The following MGST2 variants were observed in gnomAD, a reference collection of about 807,000 sequenced individuals.
MGST2 encodes microsomal glutathione S-transferase 2, also known as glutathione peroxidase MGST2.
Under a neutral mutation model 16.6 loss-of-function variants are expected in MGST2, and 9 were observed. That is an observed-to-expected ratio of 0.54 (90% confidence interval 0.33 to 0.95). The LOEUF (loss-of-function observed/expected upper bound fraction) is 0.95, where lower values mean the gene tolerates loss of function less well. MGST2 is among the 40% of genes least tolerant of loss of function. The probability of loss-of-function intolerance (pLI) is 0.03; values close to 1 mark genes in which losing one functional copy is unlikely to be tolerated. For missense variants in MGST2, 159 were observed against 175.1 expected, an observed-to-expected ratio of 0.91 and a Z score of 0.52; for synonymous variants, 79 against 68.0, an observed-to-expected ratio of 1.16 and a Z score of -0.79.
chr4:139,742,160 TTTTTTTG>T, downstream of MGST2, among the ~76,000 whole-genome samples: 4 of 145,068 alleles, frequency 2.8e-5, no homozygotes, highest in Non-Finnish European at 6.1e-5. Flanking sequence ...TTTTTTTTTT[TTTTTTTG>T]AGAGAGAGTC....
intron 5 of MGST2, among the ~76,000 whole-genome samples, chr4:139,722,404 CAAG>C (rs1208978413): frequency 6.6e-6 from 1 of 151,960 alleles, no homozygotes; most frequent in Non-Finnish European, 1.5e-5. Context: ...CAGATGTGTC[CAAG>C]GAATTAACTT....
At position 139,710,765 on chromosome 4, in the gene MGST2, C is replaced by T. The variant is rs554697923; in HGVS notation, c.*48+6569C>T. Among the ~76,000 whole-genome samples, 38 of 152,214 alleles carry T rather than the reference C, an allele frequency of 2.5e-4. No homozygotes were observed. The South Asian group carries it at 5.4e-3, about 22-fold the overall frequency. ...TATTAAAACTTACCTTTGTTTTGTG[C>T]CTAAATTTGATGATGACTTTATTCT... On this transcript the variant is annotated intron_variant, in intron 5 of 5. Coordinates refer to the MGST2 transcript ENST00000616265.
chr4:139,732,490 C>T (rs1353955182), intron 5 of MGST2, among the ~76,000 whole-genome samples: 1 of 152,138 alleles, frequency 6.6e-6, no homozygotes, highest in Non-Finnish European at 1.5e-5. Context: ...GAAACAATCA[C>T]CCAAGAAGCT....
chr4:139,697,879 A>G (rs1727018253), intron 3 of MGST2, among the ~76,000 whole-genome samples: 2 of 152,072 alleles, frequency 1.3e-5, no homozygotes, highest in Admixed American at 6.6e-5. Flanking sequence ...ATAAAGTTGA[A>G]CCGCTGAAAC....
chr4:139,729,980 T>C (rs1002718315), intron 5 of MGST2, among the ~76,000 whole-genome samples: 1 of 152,232 alleles, frequency 6.6e-6, no homozygotes, highest in African/African-American at 2.4e-5. Flanking sequence ...TTCTATAGAA[T>C]TCTTCTCAAT....
chr4:139,719,660 C>T, intron 5 of MGST2: 1 of 1,613,080 alleles, frequency 6.2e-7, no homozygotes, highest in South Asian at 1.1e-5. Flanking sequence ...CATCTGCCGA[C>T]CCATGGCAGC....
chr4:139,670,815 G>A (rs1730646965), intron 1 of MGST2, among the ~76,000 whole-genome samples: 1 of 151,788 alleles, frequency 6.6e-6, no homozygotes, highest in Non-Finnish European at 1.5e-5. Context: ...TTGGGAGGCT[G>A]AGGTGTGAGA....
At chr4:139,709,095 TTTTTTG>T (rs1281894840), downstream of MGST2, among the ~76,000 whole-genome samples, 2 of 95,280 alleles carry the variant, frequency 2.1e-5, no homozygotes, top group African/African-American at 7.0e-5. Flanking sequence ...TTTTTTTTTT[TTTTTTG>T]AGATGGAGTC....
intron 5 of MGST2, chr4:139,719,112 G>T: frequency 1.8e-6 from 1 of 558,834 alleles, no homozygotes. Flanking sequence ...TCTGCATGGC[G>T]TCTCATCTCG....
chr4:139,705,832 G>A (rs1008008216), downstream of MGST2: 12 of 152,262 alleles, frequency 7.9e-5, no homozygotes, highest in African/African-American at 2.9e-4. Flanking sequence ...AACCCCCAAA[G>A]CTGTTCTGAC....
intron 2 of MGST2, among the ~76,000 whole-genome samples, chr4:139,691,812 C>CTAA (rs1726614774): frequency 6.6e-6 from 1 of 152,084 alleles, no homozygotes; most frequent in Non-Finnish European, 1.5e-5. Context: ...CATTCTCCTG[C>CTAA]CTTAGTCTCC....
intron 1 of MGST2, among the ~76,000 whole-genome samples, chr4:139,670,041 C>G (rs1730588304): frequency 6.6e-6 from 1 of 152,048 alleles, no homozygotes; most frequent in African/African-American, 2.4e-5. Context: ...ATAATGAGGT[C>G]TGAGGGAGGA....
chr4:139,744,338 A>G (rs1362095231), downstream of MGST2, among the ~76,000 whole-genome samples: 2 of 152,200 alleles, frequency 1.3e-5, no homozygotes, highest in Non-Finnish European at 2.9e-5. Context: ...TTTTTCTTAA[A>G]GAACACTCAC....
chr4:139,726,809 TACCA>T (rs1440075181), intron 5 of MGST2, among the ~76,000 whole-genome samples: 1 of 152,190 alleles, frequency 6.6e-6, no homozygotes, highest in Non-Finnish European at 1.5e-5. Context: ...CTAGTGTTGC[TACCA>T]ATATGCTGGG....
the MGST2 span, among the ~76,000 whole-genome samples, chr4:139,753,387 T>TCTA: frequency 2.0e-5 from 3 of 150,654 alleles, no homozygotes; most frequent in Non-Finnish European, 4.4e-5. Flanking sequence ...TATCTATCTA[T>TCTA]TTTTTGTTAG....
At chr4:139,679,219 G>A (rs1472428867) in intron 2 of MGST2, 1 of 156,636 alleles carries the variant, frequency 6.4e-6, no homozygotes, top group Non-Finnish European at 1.4e-5. Flanking sequence ...CTGCAGGAAT[G>A]CTAGGGCGTA....
At chr4:139,719,836 C>A in intron 5 of MGST2, 1 of 1,613,638 alleles carries the variant, frequency 6.2e-7, no homozygotes. Context: ...GCATGCCCTG[C>A]AAGCTCCTCT....
At chr4:139,706,984 G>C (rs1727542927), downstream of MGST2, among the ~76,000 whole-genome samples, 1 of 152,142 alleles carries the variant, frequency 6.6e-6, no homozygotes, top group African/African-American at 2.4e-5. Flanking sequence ...TAAAAAGTCA[G>C]TGTCAGGAAG....
intron 5 of MGST2, among the ~76,000 whole-genome samples, chr4:139,710,340 TCACCATA>T (rs1264739976): frequency 2.0e-5 from 3 of 152,220 alleles, no homozygotes; most frequent in Admixed American, 6.5e-5. Flanking sequence ...TCTTCCCCCA[TCACCATA>T]CTTACTGCAC....
Sources: allele counts gnomAD v4.1 joint callset (sites outside exome capture counted in the v4.1 genomes callset), GRCh38; gene constraint gnomAD v4.1.1; transcripts MANE v1.5; gene names NCBI Gene and HGNC (gene_info 2026-07-23, HGNC 2026-07-21).